MASP2: variants seen among roughly 807,000 people sequenced by gnomAD.
The protein encoded by MASP2 is mannan-binding lectin serine protease 2.
In MASP2, 49 loss-of-function variants were observed where a neutral mutation model predicts 57.1. The observed-to-expected ratio is 0.86, with a 90% CI of 0.68 to 1.09. The LOEUF (loss-of-function observed/expected upper bound fraction) is 1.09. MASP2 is among the 50% of genes least tolerant of loss of function. MASP2 has a pLI of 0.00. For synonymous variants in MASP2, 379 were observed against 340.8 expected (o/e 1.11, Z -1.24); for missense variants, 900 against 874.8 (o/e 1.03, Z -0.36).
At chr1:11,044,943 G>C in intron 4 of MASP2, 1 of 1,609,872 alleles carries the variant, frequency 6.2e-7, no homozygotes, top group Non-Finnish European at 8.5e-7. Flanking sequence ...GGGGAGGCTA[G>C]AGGCTCTGCT....
At chr1:11,031,995 G>A (rs1643854018) in intron 8 of MASP2, among the ~76,000 whole-genome samples, 2 of 152,136 alleles carry the variant, frequency 1.3e-5, no homozygotes, top group Admixed American at 6.5e-5. Context: ...AAAGCTCACT[G>A]GGCACGGCTC....
At chr1:11,044,937 A>C in intron 4 of MASP2, 1 of 1,608,740 alleles carries the variant, frequency 6.2e-7, no homozygotes, top group East Asian at 2.2e-5. Context: ...GCTCCAGGGG[A>C]GGCTAGAGGC....
At chr1:11,038,858 A>G (rs1278346312) in intron 6 of MASP2, among the ~76,000 whole-genome samples, 1 of 152,172 alleles carries the variant, frequency 6.6e-6, no homozygotes, top group Non-Finnish European at 1.5e-5. Context: ...TGGTCCTGAG[A>G]GGCAGAGTGT....
At chr1:11,039,566 GGATA>G (rs902097071) in intron 6 of MASP2, among the ~76,000 whole-genome samples, 5 of 152,114 alleles carry the variant, frequency 3.3e-5, no homozygotes, top group East Asian at 1.9e-4. Flanking sequence ...ATGGGTGGAT[GGATA>G]GATGGATGGC....
Position 11,027,028 on chromosome 1 carries a change from G to GA in MASP2, c.1917dup (p.Leu640SerfsTer3), listed in dbSNP as rs749972083. 6.3e-7 allele frequency: 1 copy of GA among 1,597,772 alleles called. No homozygotes were observed. The highest frequency in any genetic ancestry group is 8.5e-7 in the Non-Finnish European group (1 of 1,172,418). ...AACCACCTCTCTGTTTCACTATCTA[G>GA]AAACACCAGTGCCCCTCCGCTGTCA... On this transcript the variant is annotated frameshift_variant, in exon 11 of 11. Transcript: ENST00000400897. LOFTEE classifies it high-confidence loss of function.
intron 4 of MASP2, among the ~76,000 whole-genome samples, chr1:11,043,922 G>C (rs567288196): frequency 6.7e-6 from 1 of 148,396 alleles, no homozygotes; most frequent in South Asian, 2.3e-4. Context: ...GGCGGGGGGC[G>C]GGGGTGGATG....
At chr1:11,043,250 C>G (rs920436269) in intron 5 of MASP2, 89 bp downstream of exon 5, 2 of 1,220,724 alleles carry the variant, frequency 1.6e-6, no homozygotes, top group Non-Finnish European at 2.3e-6. Flanking sequence ...GTGACGGGAA[C>G]GTGGTGGGGG....
chr1:11,027,517 A>G lies in MASP2; in HGVS notation c.1429T>C (p.Trp477Arg). The G allele has an allele frequency of 6.2e-7, 1 of 1,614,218 alleles. No individual in the cohort carries two copies. Among genetic ancestry groups the G allele is most frequent in the African/African-American group, 1.3e-5 (1 of 75,050 alleles). Residue 477 changes from tryptophan (W) to arginine (R), a missense_variant, in exon 11 of 11, where the codon TGG becomes CGG. By Grantham distance (101) the Trp-to-Arg change is moderately radical. Transcript: ENST00000400897. ...TAAGALLYDN[W>R]VLTAAHAVYE... ...ACGGCATGAGCAGCTGTTAGGACCC[A>G]GTTGTCATATAAAAGTGCACCTGCT...
At chr1:11,041,105 A>AGTGGATG (rs1638414685) in intron 6 of MASP2, among the ~76,000 whole-genome samples, 1 of 132,936 alleles carries the variant, frequency 7.5e-6, no homozygotes, top group African/African-American at 3.0e-5. Flanking sequence ...AAGGATGGAT[A>AGTGGATG]GATGGATGGA....
At position 11,037,830 on chromosome 1, in the gene MASP2, G is replaced by A. The variant is rs761636920; in HGVS notation, c.890-19C>T. 6.6e-7 allele frequency: 1 copy of A among 1,515,634 alleles called. No homozygotes were observed. Among genetic ancestry groups the A allele is most frequent in the East Asian group, 2.3e-5 (1 of 43,680 alleles). The allele number at this position is 1,515,634 out of a possible 1,614,324, so 93.9% of individuals were successfully genotyped here. A position where few individuals can be genotyped will look rare whatever the true frequency, so the allele number is the denominator to read the frequency against. Reference sequence around the variant, plus strand: ...GGCTGCGCTGCGCAGAGGAAACCAGGCTTGTTGGTTTTCATGTGGTCTACA... The same window carrying A: ...GGCTGCGCTGCGCAGAGGAAACCAGACTTGTTGGTTTTCATGTGGTCTACA... On this transcript the variant is annotated intron_variant, in intron 6 of 10. Coordinates refer to ENST00000400897, the MANE Select transcript of MASP2 (RefSeq NM_006610.4).
intron 6 of MASP2, among the ~76,000 whole-genome samples, chr1:11,041,056 T>G (rs530901426): frequency 6.9e-6 from 1 of 144,760 alleles, no homozygotes; most frequent in Non-Finnish European, 1.5e-5. Context: ...AATATAAGGA[T>G]GGGTGGGTGG....
At chr1:11,039,894 GGATGGATA>G (rs1193891142) in intron 6 of MASP2, among the ~76,000 whole-genome samples, 4 of 112,076 alleles carry the variant, frequency 3.6e-5, no homozygotes, top group African/African-American at 1.1e-4. Context: ...ATGGATGGAT[GGATGGATA>G]GATGGATGGA....
At chr1:11,042,203 G>A (rs1461683537) in intron 6 of MASP2, among the ~76,000 whole-genome samples, 2 of 150,228 alleles carry the variant, frequency 1.3e-5, no homozygotes, top group Non-Finnish European at 3.0e-5. Context: ...TGTATGGATG[G>A]ATGGATAGAA....
intron 7 of MASP2, among the ~76,000 whole-genome samples, chr1:11,035,661 G>A (rs1041859067): frequency 5.9e-5 from 9 of 151,988 alleles, no homozygotes; most frequent in South Asian, 2.1e-4. Context: ...TTGGGAGGCC[G>A]AGGTGGGAGG....
rs754479514 is a variant in MASP2, at chr1:11,046,678, G to A, written c.290C>T (p.Thr97Met). The change falls in exon 3 of 11, where the codon ACG (threonine) becomes ATG (methionine). Residue 97 changes from threonine to methionine, a missense_variant. Transcript: ENST00000400897. ...ATLCGQESTD[T>M]ERAPGKDTFY... ...AGTGTCCTTGCCAGGGGCCCGCTCC[G>A]TGTCTGTGCTCTCCTGCCCGCACAG... 3.7e-6 allele frequency: 6 copies of A among 1,613,514 alleles called. No individual in the cohort carries two copies. Among genetic ancestry groups the A allele is most frequent in the South Asian group, 1.1e-5 (1 of 91,080 alleles).
In MASP2 at chr1:11,047,232, C is replaced by G. The variant is rs529184283; in HGVS notation, c.-25G>C. The G allele has an allele frequency of 2.6e-6, 4 of 1,554,734 alleles. No individual in the cohort carries two copies. The South Asian group carries it at 3.5e-5, about 14-fold the overall frequency. On this transcript the variant is annotated 5_prime_UTR_variant, in exon 1 of 11. Transcript: ENST00000400897. The stretch of plus-strand genomic sequence containing the variant: ...TGGTGTGCCCGTCCAGCTGGCCTGG[C>G]CTGGTCTGCAGCCCTACGCTGGTCT...
rs374958071 is a variant in MASP2 at position 11,036,736 on chromosome 1, G to A, written c.1008+957C>T. Among the ~76,000 whole-genome samples the A allele has an allele frequency of 5.4e-4, 80 of 149,246 alleles. 1 individual carries two copies. The highest frequency in any genetic ancestry group is 3.0e-3 in the East Asian group (15 of 5,062). ...ACTGGGATTCCATGACAATTTTGAA[G>A]AACATAAAGAGGACGTGTTAATTTC... On this transcript the variant is annotated intron_variant, in intron 7 of 10. Coordinates refer to ENST00000400897, the MANE Select transcript of MASP2 (RefSeq NM_006610.4).
At chr1:11,039,705 T>C (rs1443663340) in intron 6 of MASP2, among the ~76,000 whole-genome samples, 1 of 150,390 alleles carries the variant, frequency 6.6e-6, no homozygotes, top group Non-Finnish European at 1.5e-5. Context: ...GGTAGAAGGA[T>C]GGGTGGGTGG....
At chr1:11,029,105 GCCT>G (rs1274843981) in intron 10 of MASP2, among the ~76,000 whole-genome samples, 1 of 149,858 alleles carries the variant, frequency 6.7e-6, no homozygotes, top group African/African-American at 2.5e-5. Flanking sequence ...CCATTCTCTT[GCCT>G]CAGCCTCCCG....
Sources: gnomAD v4.1 joint callset for allele counts (sites outside exome capture counted in the v4.1 genomes callset) on GRCh38, gnomAD v4.1.1 for gene constraint, MANE v1.5 for transcripts, NCBI Gene and HGNC (gene_info 2026-07-23, HGNC 2026-07-21) for gene names.